NXPE2: variants seen among roughly 807,000 people sequenced by gnomAD.
NXPE2 encodes neurexophilin and PC-esterase domain family member 2.
A neutral mutation model predicts 34.4 loss-of-function variants in NXPE2; 34 were observed. That is an observed-to-expected ratio of 0.99 (90% CI 0.75 to 1.31). NXPE2 has a LOEUF of 1.31. Among genes scored for constraint, NXPE2 ranks in the 40% most tolerant of loss-of-function variants. NXPE2 has a pLI of 0.00. For synonymous variants in NXPE2, 235 were observed against 231.3 expected (o/e 1.02, Z -0.15); for missense variants, 649 against 672.5 (o/e 0.97, Z 0.39).
chr11:114,797,521 C>G, the NXPE2 span, among the ~76,000 whole-genome samples: 2 of 152,256 alleles, frequency 1.3e-5, no homozygotes, highest in Admixed American at 1.3e-4. Flanking sequence ...TTTGGCACCC[C>G]TCCCTCCTGT....
chr11:114,528,365 T>G, the NXPE2 span, among the ~76,000 whole-genome samples: 1 of 152,282 alleles, frequency 6.6e-6, no homozygotes, highest in East Asian at 1.9e-4. Flanking sequence ...CTTACATCCC[T>G]TTATTGTCTC....
the NXPE2 span, among the ~76,000 whole-genome samples, chr11:114,798,017 A>G: frequency 1.3e-5 from 2 of 152,188 alleles, no homozygotes; most frequent in East Asian, 3.8e-4. Context: ...ACCGAAGTTA[A>G]ATTGGCTATC....
At chr11:114,622,982 A>C in the NXPE2 span, among the ~76,000 whole-genome samples, 1 of 150,780 alleles carries the variant, frequency 6.6e-6, no homozygotes, top group East Asian at 2.0e-4. Context: ...GCCTCGTAGG[A>C]AACCACGGTT....
chr11:114,747,824 T>C, the NXPE2 span, among the ~76,000 whole-genome samples: 5 of 152,190 alleles, frequency 3.3e-5, no homozygotes, highest in African/African-American at 1.2e-4. Flanking sequence ...ATTTTTGTGG[T>C]GCGAAAAAAT....
In NXPE2 at chr11:114,706,935, A is replaced by C; in HGVS notation, c.*5A>C. 6.5e-7 allele frequency: 1 copy of C among 1,533,398 alleles called. No homozygotes were observed. Among genetic ancestry groups the C allele is most frequent in the Non-Finnish European group, 8.8e-7 (1 of 1,135,892 alleles). The allele number at this position is 1,533,398 out of a possible 1,614,324, so 95.0% of individuals were successfully genotyped here. A position where few individuals can be genotyped will look rare whatever the true frequency, so the allele number is the denominator to read the frequency against. On this transcript the variant is annotated 3_prime_UTR_variant, in exon 6 of 6. Transcript: ENST00000389586. ...TTCTTAAACTACATTTGTTAGAGGA[A>C]AAATACAAAAATAGCACTAGCCACT...
the NXPE2 span, chr11:114,594,670 G>A: frequency 6.3e-7 from 1 of 1,590,750 alleles, no homozygotes; most frequent in Non-Finnish European, 8.6e-7. Flanking sequence ...CTACCTTTGT[G>A]GAGTTCTGGA....
the NXPE2 span, among the ~76,000 whole-genome samples, chr11:114,631,903 C>T: frequency 1.3e-5 from 2 of 151,226 alleles, no homozygotes; most frequent in Admixed American, 6.6e-5. Flanking sequence ...AGTATTGCCT[C>T]GTGGGTCACT....
At chr11:114,796,327 ATTT>A in the NXPE2 span, among the ~76,000 whole-genome samples, 3 of 152,202 alleles carry the variant, frequency 2.0e-5, no homozygotes, top group African/African-American at 7.2e-5. Flanking sequence ...TCCTTGAAGA[ATTT>A]TTTATTTTCC....
At chr11:114,690,071 T>G (rs931191614) in intron 2 of NXPE2, among the ~76,000 whole-genome samples, 4 of 152,120 alleles carry the variant, frequency 2.6e-5, no homozygotes, top group African/African-American at 9.7e-5. Context: ...AGTGGAACAT[T>G]TAGGTCATTT....
chr11:114,619,783 AG>A, the NXPE2 span, among the ~76,000 whole-genome samples: 1 of 151,764 alleles, frequency 6.6e-6, no homozygotes, highest in African/African-American at 2.4e-5. Context: ...GTGGATAATA[AG>A]TAATGCCTCG....
chr11:114,713,592 GAA>G, the NXPE2 span, among the ~76,000 whole-genome samples: 1 of 152,020 alleles, frequency 6.6e-6, no homozygotes, highest in African/African-American at 2.4e-5. Flanking sequence ...ACATTTGATT[GAA>G]AAAAAGTCAG....
At chr11:114,722,227 C>A in the NXPE2 span, among the ~76,000 whole-genome samples, 1 of 152,042 alleles carries the variant, frequency 6.6e-6, no homozygotes, top group Non-Finnish European at 1.5e-5. Context: ...GAGCAGTTTC[C>A]CCCATGCTGT....
chr11:114,678,466 C>A, upstream of NXPE2: 2 of 835,994 alleles, frequency 2.4e-6, no homozygotes, highest in Non-Finnish European at 1.9e-6. Flanking sequence ...AGGATGTCAG[C>A]TTTTGATCAA....
At chr11:114,582,331 T>A in the NXPE2 span, 1 of 1,599,214 alleles carries the variant, frequency 6.3e-7, no homozygotes, top group East Asian at 2.2e-5. Context: ...TAAGAAACTT[T>A]CTTGTTCTTA....
the NXPE2 span, among the ~76,000 whole-genome samples, chr11:114,767,365 A>T: frequency 9.8e-4 from 150 of 152,300 alleles, no homozygotes; most frequent in Admixed American, 8.2e-3. Flanking sequence ...GCTCAAGATC[A>T]TACAAAAAAG....
the NXPE2 span, among the ~76,000 whole-genome samples, chr11:114,498,567 G>C: frequency 1.6e-3 from 243 of 152,112 alleles, no homozygotes; most frequent in African/African-American, 5.4e-3. Context: ...AATTTAATGA[G>C]AGTGCACTCT....
chr11:114,534,103 C>G, the NXPE2 span, among the ~76,000 whole-genome samples: 13 of 152,322 alleles, frequency 8.5e-5, no homozygotes, highest in South Asian at 2.1e-4. Context: ...GAGGAACGAT[C>G]AGGCAGCAGC....
chr11:114,638,223 A>G, the NXPE2 span, among the ~76,000 whole-genome samples: 1 of 151,850 alleles, frequency 6.6e-6, no homozygotes, highest in Non-Finnish European at 1.5e-5. Context: ...TTCGTCTTTC[A>G]TCACTGATAC....
chr11:114,571,571 A>AGACATGATT, the NXPE2 span: 1 of 1,101,198 alleles, frequency 9.1e-7, no homozygotes, highest in Non-Finnish European at 1.3e-6. Context: ...ATAATTAAAT[A>AGACATGATT]AGCTAATCAT....
Sources: allele counts gnomAD v4.1 joint callset (sites outside exome capture counted in the v4.1 genomes callset), GRCh38; gene constraint gnomAD v4.1.1; transcripts MANE v1.5; gene names NCBI Gene and HGNC (gene_info 2026-07-23, HGNC 2026-07-21).